Variants in PUS10 observed in about 807,000 individuals in gnomAD.
The protein encoded by PUS10 is tRNA pseudouridine synthase Pus10.
Under a neutral mutation model 75.0 loss-of-function variants are expected in PUS10, and 59 were observed. The ratio of observed to expected loss-of-function variants is 0.79; its 90% CI spans 0.64 to 0.98. PUS10 has a LOEUF of 0.98. Among genes scored for constraint, PUS10 ranks in the 50% least tolerant of loss-of-function variants. The pLI is 0.00. For synonymous variants in PUS10, 219 were observed against 211.6 expected (o/e 1.03, Z -0.30); for missense variants, 650 against 614.4 (o/e 1.06, Z -0.61).
At chr2:60,959,285 C>A (rs1675866873) in intron 11 of PUS10, among the ~76,000 whole-genome samples, 1 of 152,212 alleles carries the variant, frequency 6.6e-6, no homozygotes. Context: ...CATATTCCCC[C>A]AAAGAGGCCA....
chr2:60,942,702 T>A (rs900298672), intron 17 of PUS10, among the ~76,000 whole-genome samples: 3 of 152,180 alleles, frequency 2.0e-5, no homozygotes, highest in African/African-American at 7.2e-5. Context: ...TACATTTAAA[T>A]TTTTTAAATG....
chr2:60,971,507 T>C lies in PUS10; in HGVS notation c.503+16A>G. ...TATTTGAATGGTAGTAAAAATTCCC[T>C]ACCTAAATTACTTACCCCATTTCCT... On this transcript the variant is annotated intron_variant, in intron 5 of 17. Coordinates refer to ENST00000316752, the MANE Select transcript of PUS10 (RefSeq NM_144709.4). 1 of 1,611,604 alleles carries C rather than the reference T, an allele frequency of 6.2e-7. No individual in the cohort carries two copies. Among genetic ancestry groups the C allele is most frequent in the Non-Finnish European group, 8.5e-7 (1 of 1,177,732 alleles).
intron 4 of PUS10, among the ~76,000 whole-genome samples, chr2:60,995,672 T>C (rs1678410229): frequency 6.6e-6 from 1 of 152,236 alleles, no homozygotes; most frequent in Non-Finnish European, 1.5e-5. Context: ...AATGTGCTAA[T>C]ACGTTCAATT....
chr2:60,946,160 A>G (rs1228612189), intron 16 of PUS10, among the ~76,000 whole-genome samples: 3 of 152,232 alleles, frequency 2.0e-5, no homozygotes, highest in African/African-American at 4.8e-5. Flanking sequence ...CCTTCTGCGT[A>G]GCAATGATGA....
intron 4 of PUS10, among the ~76,000 whole-genome samples, chr2:60,976,365 G>A (rs1001320097): frequency 2.0e-5 from 3 of 152,170 alleles, no homozygotes; most frequent in Non-Finnish European, 4.4e-5. Flanking sequence ...TGAAATCTGA[G>A]CTATAGAGAG....
chr2:61,008,812 A>G lies in PUS10; in HGVS notation c.330T>C (p.Asn110=), dbSNP rs777260705. 3.1e-6 allele frequency: 5 copies of G among 1,607,866 alleles called. No individual in the cohort carries two copies. The East Asian group carries it at 6.7e-5, about 22-fold the overall frequency. ...ASKNSNLNVC[N]VCLGILQEFC... ...ATTCTTGAAGAATTCCTAGGCATAC[A>G]TTACATACATTTAAATTTGAGTTCT... The change falls in exon 3 of 18, where the codon AAT becomes AAC. Residue 110 remains asparagine, a synonymous_variant. Transcript: ENST00000316752.
chr2:60,982,294 GCT>G (rs1397533159), intron 4 of PUS10, among the ~76,000 whole-genome samples: 1 of 151,768 alleles, frequency 6.6e-6, no homozygotes, highest in Non-Finnish European at 1.5e-5. Flanking sequence ...ACAGAGTCTT[GCT>G]CTGTCACCCA....
chr2:61,011,713 T>C, intron 2 of PUS10, 52 bp downstream of exon 2: 1 of 1,334,342 alleles, frequency 7.5e-7, no homozygotes, highest in Admixed American at 3.2e-5. Flanking sequence ...CATTGTAAAA[T>C]ACAGAGAACC....
rs758804663 is a variant in PUS10, at chr2:61,018,140, G to T, written c.-148C>A. 6.5e-7 allele frequency: 1 copy of T among 1,549,866 alleles called. No individual in the cohort carries two copies. The highest frequency in any genetic ancestry group is 8.7e-7 in the Non-Finnish European group (1 of 1,146,468). On this transcript the variant is annotated 5_prime_UTR_variant, in exon 1 of 18. Transcript: ENST00000316752. Reference sequence around the variant, plus strand: ...AAAGGGGGGCGGCTTCCTACCTACCGCTTCTGTTTTCACTTTGACAGAATG... The same window carrying T: ...AAAGGGGGGCGGCTTCCTACCTACCTCTTCTGTTTTCACTTTGACAGAATG...
At chr2:60,948,905 CA>C (rs1445355829) in intron 15 of PUS10, among the ~76,000 whole-genome samples, 6 of 152,094 alleles carry the variant, frequency 3.9e-5, no homozygotes, top group Non-Finnish European at 8.8e-5. Context: ...TGGGCGTAAT[CA>C]GAAATTCAGA....
rs763467062 is a variant in PUS10 at position 60,965,109 on chromosome 2, A to C, written c.678-6T>G. 1 of 1,612,590 alleles carries C rather than the reference A, an allele frequency of 6.2e-7. No homozygotes were observed. The highest frequency in any genetic ancestry group is 1.3e-5 in the African/African-American group (1 of 75,002). On this transcript the variant is annotated splice_polypyrimidine_tract_variant and splice_region_variant and intron_variant, in intron 7 of 17. Coordinates refer to ENST00000316752, the MANE Select transcript of PUS10 (RefSeq NM_144709.4). ...AATCTGGGCATATCGCAGCTCTAAA[A>C]TAAAATTCAAGTTAATATAAAAGGT... is the stretch of plus-strand genomic sequence containing the variant.
intron 16 of PUS10, 32 bp downstream of exon 16, chr2:60,948,011 C>G: frequency 6.2e-7 from 1 of 1,612,960 alleles, no homozygotes; most frequent in Non-Finnish European, 8.5e-7. Flanking sequence ...AGTTCTGGTT[C>G]GATGGCGGCA....
At position 61,006,594 on chromosome 2, in the gene PUS10, A is replaced by C. The variant is rs1679225598; in HGVS notation, c.431T>G (p.Phe144Cys). 6.2e-7 allele frequency: 1 copy of C among 1,613,660 alleles called. No homozygotes were observed. The highest frequency in any genetic ancestry group is 1.7e-5 in the Admixed American group (1 of 59,942). Reference protein sequence around the residue: ...ASGFEFTSLVFSVSFPPQLSV... With the variant: ...ASGFEFTSLVCSVSFPPQLSV... ...TAGTTGTGGTGGGAAGGAGACTGAA[A>C]ATACCAAGCTGGTGAATTCAAACCC... Residue 144 changes from phenylalanine (F) to cysteine (C), a missense_variant, in exon 4 of 18, where the codon TTT becomes TGT. By Grantham distance (205) the Phe-to-Cys change is radical. Transcript: ENST00000316752.
intron 15 of PUS10, among the ~76,000 whole-genome samples, chr2:60,949,671 G>A (rs1372353906): frequency 1.3e-5 from 2 of 151,866 alleles, no homozygotes; most frequent in South Asian, 2.1e-4. Flanking sequence ...TAATTTTTAT[G>A]CCAACTGGAA....
intron 4 of PUS10, among the ~76,000 whole-genome samples, chr2:60,986,144 A>T (rs7589039): frequency 0.45 from 68,676 of 151,450 alleles, 16,385 homozygotes; most frequent in Middle Eastern, 0.53. Context: ...TAAATGTTTT[A>T]AAAAAACAGT....
intron 4 of PUS10, among the ~76,000 whole-genome samples, chr2:60,981,138 C>T (rs1192188949): frequency 2.0e-5 from 3 of 152,072 alleles, no homozygotes; most frequent in Admixed American, 6.6e-5. Flanking sequence ...GGTGATCCAC[C>T]TGCCTTGGCC....
chr2:60,945,951 G>A (rs995774062), intron 16 of PUS10, among the ~76,000 whole-genome samples: 1 of 152,122 alleles, frequency 6.6e-6, no homozygotes, highest in Non-Finnish European at 1.5e-5. Context: ...AAATAAATTT[G>A]TTTCCAGATG....
rs1405385401 is a variant in PUS10, at chr2:60,947,949, TC to T, written c.1451+93del. ...TCAGTATAATCCTTTCCCGAATCCCTCCCAGACCAAGCTGACCCTGTTTTCT... is the reference window on the plus strand; with the variant it reads ...TCAGTATAATCCTTTCCCGAATCCCTCCAGACCAAGCTGACCCTGTTTTCT... On this transcript the variant is annotated intron_variant, in intron 16 of 17. Coordinates refer to ENST00000316752, the MANE Select transcript of PUS10 (RefSeq NM_144709.4). The T allele has an allele frequency of 2.2e-6, 3 of 1,346,032 alleles. No homozygotes were observed. In the East Asian group the frequency reaches 7.3e-5, roughly 33 times the overall value. 83.4% of individuals were successfully genotyped at this position (1,346,032 alleles called of 1,614,324 possible). A position where few individuals can be genotyped will look rare whatever the true frequency, so the allele number is the denominator to read the frequency against.
At chr2:60,996,914 G>A (rs1678502025) in intron 4 of PUS10, among the ~76,000 whole-genome samples, 1 of 152,216 alleles carries the variant, frequency 6.6e-6, no homozygotes, top group Non-Finnish European at 1.5e-5. Flanking sequence ...AGGTATCAAT[G>A]GGTTTACACT....
Sources: gnomAD v4.1 joint callset for allele counts (sites outside exome capture counted in the v4.1 genomes callset) on GRCh38, gnomAD v4.1.1 for gene constraint, MANE v1.5 for transcripts, NCBI Gene and HGNC (gene_info 2026-07-23, HGNC 2026-07-21) for gene names.